MBOAT1: variants seen among roughly 807,000 people sequenced by gnomAD.
MBOAT1 encodes the protein membrane-bound glycerophospholipid O-acyltransferase 1.
In MBOAT1, 67 loss-of-function variants were observed where a neutral mutation model predicts 64.4. The ratio of observed to expected loss-of-function variants is 1.04; its 90% CI spans 0.85 to 1.27. The LOEUF (loss-of-function observed/expected upper bound fraction) is 1.27, where lower values mean the gene tolerates loss of function less well. Ranked by LOEUF, MBOAT1 falls within the 50% of genes most tolerant of loss-of-function variation. MBOAT1 has a pLI of 0.00. For missense variants in MBOAT1, 563 were observed against 604.6 expected (o/e 0.93, Z 0.72); for synonymous variants, 229 against 218.9 (o/e 1.05, Z -0.41).
intron 12 of MBOAT1, among the ~76,000 whole-genome samples, chr6:20,103,330 A>G (rs970515284): frequency 2.0e-5 from 3 of 152,198 alleles, no homozygotes; most frequent in Non-Finnish European, 4.4e-5. Context: ...TTTCAAAAGT[A>G]AAAAAACAAA....
chr6:20,168,596 AAAG>A (rs200051327), intron 1 of MBOAT1, among the ~76,000 whole-genome samples: 194 of 65,624 alleles, frequency 3.0e-3, no homozygotes, highest in Admixed American at 3.3e-3. Flanking sequence ...AGAGGGAGAG[AAAG>A]AGAGAAGAGA....
chr6:20,138,449 GA>G, intron 4 of MBOAT1, among the ~76,000 whole-genome samples: 1 of 152,336 alleles, frequency 6.6e-6, no homozygotes, highest in Non-Finnish European at 1.5e-5. Flanking sequence ...CTATGTGGCT[GA>G]AAGTGAGGTT....
At chr6:20,130,352 T>C (rs1366149920) in intron 5 of MBOAT1, among the ~76,000 whole-genome samples, 2 of 151,150 alleles carry the variant, frequency 1.3e-5, no homozygotes, top group Non-Finnish European at 2.9e-5. Flanking sequence ...CCCAGCTTTG[T>C]TGTTGTTGTT....
rs775252293 is a variant in MBOAT1 at position 20,164,198 on chromosome 6, CACACACAA to C, written c.100-11437_100-11430del. Among the ~76,000 whole-genome samples the C allele has an allele frequency of 7.7e-3, 1,170 of 151,314 alleles. 10 individuals carry two copies. The highest frequency in any genetic ancestry group is 0.031 in the Middle Eastern group (9 of 290). Reference sequence around the variant, plus strand: ...GTACACACACACACACACACACACACACACACAAACACACCCCATATATATGTAACCTG... The same window carrying C: ...GTACACACACACACACACACACACACACACACCCCATATATATGTAACCTG... On this transcript the variant is annotated intron_variant, in intron 1 of 12. Transcript: ENST00000324607.
intron 1 of MBOAT1, among the ~76,000 whole-genome samples, chr6:20,202,656 A>G (rs1763156717): frequency 6.6e-6 from 1 of 152,124 alleles, no homozygotes; most frequent in Non-Finnish European, 1.5e-5. Flanking sequence ...AGGTTAATGA[A>G]TTAATCTTTT....
In MBOAT1 at chr6:20,152,741, G is replaced by C. The variant is rs759394149; in HGVS notation, c.128C>G (p.Ala43Gly). The change falls in exon 2 of 13, where the codon GCT (alanine) becomes GGT (glycine). Residue 43 changes from alanine to glycine, a missense_variant. By Grantham distance (60) the Ala-to-Gly change is moderately conservative. Coordinates refer to ENST00000324607, the MANE Select transcript of MBOAT1 (RefSeq NM_001080480.3). ...QVNFVVCQLVALFAAFWFRIY... is the reference protein window; with the variant it reads ...QVNFVVCQLVGLFAAFWFRIY... The stretch of plus-strand genomic sequence containing the variant: ...GCGAAACCAGAAAGCAGCAAACAGA[G>C]CAACAAGCTGGCATACCACAAAATT... The C allele has an allele frequency of 6.2e-7, 1 of 1,612,194 alleles. No individual in the cohort carries two copies. The highest frequency in any genetic ancestry group is 1.1e-5 in the South Asian group (1 of 90,932).
At chr6:20,152,934 G>C (rs1255407132) in intron 1 of MBOAT1, among the ~76,000 whole-genome samples, 165 bp from the exon 2 acceptor site, 2 of 152,170 alleles carry the variant, frequency 1.3e-5, no homozygotes, top group African/African-American at 4.8e-5. Context: ...CCAGGTTCAC[G>C]TCATTCTCCT....
chr6:20,151,354 CT>C, intron 2 of MBOAT1, 92 bp from the exon 3 acceptor site: 1 of 793,470 alleles, frequency 1.3e-6, no homozygotes, highest in Admixed American at 2.2e-5. Context: ...ATCACTACCC[CT>C]GCCAAAAACA....
At chr6:20,111,837 C>CATATAT (rs1476326103) in intron 11 of MBOAT1, among the ~76,000 whole-genome samples, 2 of 92,634 alleles carry the variant, frequency 2.2e-5, no homozygotes, top group African/African-American at 7.2e-5. Flanking sequence ...TATATATACA[C>CATATAT]ATATATATAC....
rs566095279 is a variant in MBOAT1 at position 20,190,767 on chromosome 6, G to C, written c.99+21369C>G. On this transcript the variant is annotated intron_variant, in intron 1 of 12. Transcript: ENST00000324607. Reference sequence around the variant, plus strand: ...AATCGTAGACGATTCTGGATAAAAAGCAGAACTTCGGGCAGATAGGTAGGG... The same window carrying C: ...AATCGTAGACGATTCTGGATAAAAACCAGAACTTCGGGCAGATAGGTAGGG... 6.6e-5 allele frequency among the ~76,000 whole-genome samples: 10 copies of C among 151,848 alleles called. No individual in the cohort carries two copies. The South Asian group carries it at 2.1e-3, about 32-fold the overall frequency.
At chr6:20,179,542 T>G (rs574223611) in intron 1 of MBOAT1, among the ~76,000 whole-genome samples, 1 of 152,372 alleles carries the variant, frequency 6.6e-6, no homozygotes, top group South Asian at 2.1e-4. Flanking sequence ...CACATTTTCT[T>G]TATCCAGTCT....
intron 1 of MBOAT1, among the ~76,000 whole-genome samples, chr6:20,192,932 A>G (rs907352901): frequency 2.7e-5 from 4 of 150,400 alleles, no homozygotes; most frequent in Non-Finnish European, 5.9e-5. Context: ...AAACCCAAAC[A>G]TCAATTACAC....
chr6:20,189,028 A>G (rs953393764), intron 1 of MBOAT1, among the ~76,000 whole-genome samples: 6 of 152,284 alleles, frequency 3.9e-5, no homozygotes, highest in African/African-American at 9.6e-5. Context: ...AATTCCAACT[A>G]AGAAAGATCA....
At chr6:20,167,190 C>T (rs1762039758) in intron 1 of MBOAT1, among the ~76,000 whole-genome samples, 1 of 152,124 alleles carries the variant, frequency 6.6e-6, no homozygotes, top group African/African-American at 2.4e-5. Flanking sequence ...CTGCAACTTC[C>T]AAGTTATTTT....
intron 1 of MBOAT1, among the ~76,000 whole-genome samples, chr6:20,159,012 G>A (rs866475510): frequency 6.6e-6 from 1 of 152,188 alleles, no homozygotes; most frequent in African/African-American, 2.4e-5. Context: ...CGGTATGGAA[G>A]TTCCTCAAAA....
chr6:20,196,133 C>G (rs187374193), intron 1 of MBOAT1, among the ~76,000 whole-genome samples: 1 of 152,210 alleles, frequency 6.6e-6, no homozygotes, highest in Non-Finnish European at 1.5e-5. Flanking sequence ...CCTAAACTCA[C>G]ATGCCCTGTG....
chr6:20,205,042 CA>C (rs1383291082), intron 1 of MBOAT1, among the ~76,000 whole-genome samples: 1 of 151,900 alleles, frequency 6.6e-6, no homozygotes, highest in East Asian at 1.9e-4. Context: ...ATAAAAAATA[CA>C]AAAAAATTAG....
At position 20,124,597 on chromosome 6, in the gene MBOAT1, C is replaced by T. The variant is rs1450387218; in HGVS notation, c.718G>A (p.Ala240Thr). 6 of 1,613,760 alleles carry T rather than the reference C, an allele frequency of 3.7e-6. No individual in the cohort carries two copies. Among genetic ancestry groups the T allele is most frequent in the Non-Finnish European group, 5.1e-6 (6 of 1,179,780 alleles). The change falls in exon 8 of 13, where the codon GCT (alanine) becomes ACT (threonine). Residue 240 changes from alanine (A) to threonine (T), a missense_variant. Physicochemically the swap from Ala to Thr is moderately conservative, Grantham distance 58 (BLOSUM62 0). Transcript: ENST00000324607. ...HSLPEPSPTG[A>T]VIHKLGITLV... ...GTGATGCCCAACTTGTGTATCACAG[C>T]TCCCTGAAAATGGGGAAAAATCAGT... is the stretch of plus-strand genomic sequence containing the variant.
chr6:20,154,646 TGACA>T (rs1561766995), intron 1 of MBOAT1, among the ~76,000 whole-genome samples: 1 of 152,332 alleles, frequency 6.6e-6, no homozygotes, highest in African/African-American at 2.4e-5. Context: ...CTTTCTATCT[TGACA>T]GACAGAGAAG....
Sources: gnomAD v4.1 joint callset for allele counts (sites outside exome capture counted in the v4.1 genomes callset) on GRCh38, gnomAD v4.1.1 for gene constraint, MANE v1.5 for transcripts, NCBI Gene and HGNC (gene_info 2026-07-23, HGNC 2026-07-21) for gene names.